The following MMP16 variants were observed in gnomAD, a reference collection of about 807,000 sequenced individuals.
MMP16 encodes the protein matrix metalloproteinase-16.
Under a neutral mutation model 67.8 loss-of-function variants are expected in MMP16, and 12 were observed. The ratio of observed to expected loss-of-function variants is 0.18; its 90% CI spans 0.11 to 0.29. The LOEUF is 0.29. MMP16 is among the 10% of genes least tolerant of loss of function. MMP16 has a pLI of 1.00. For missense variants in MMP16, 475 were observed against 765.7 expected, an observed-to-expected ratio of 0.62 and a Z score of 4.48; for synonymous variants, 249 against 255.9, an observed-to-expected ratio of 0.97 and a Z score of 0.26.
chr8:88,293,226 GT>G (rs1234431595), intron 1 of MMP16, among the ~76,000 whole-genome samples: 1 of 152,102 alleles, frequency 6.6e-6, no homozygotes, highest in African/African-American at 2.4e-5. Context: ...ATAGAAACTA[GT>G]TTTTATGTCT....
At chr8:88,155,685 C>T (rs1408643942) in intron 4 of MMP16, among the ~76,000 whole-genome samples, 1 of 151,996 alleles carries the variant, frequency 6.6e-6, no homozygotes, top group African/African-American at 2.4e-5. Flanking sequence ...TCATACTTTC[C>T]TAGAAATGGC....
intron 8 of MMP16, 93 bp from the exon 9 acceptor site, chr8:88,046,877 C>T: frequency 1.3e-6 from 1 of 751,880 alleles, no homozygotes; most frequent in Non-Finnish European, 2.1e-6. Flanking sequence ...ATTTATTAGA[C>T]CTTTGCTGTG....
chr8:88,311,715 T>C (rs1244094268), intron 1 of MMP16, among the ~76,000 whole-genome samples: 1 of 152,012 alleles, frequency 6.6e-6, no homozygotes, highest in Non-Finnish European at 1.5e-5. Context: ...TTCATTAATG[T>C]TTAGGAGTGG....
Position 88,233,743 on chromosome 8 carries a change from T to A in MMP16, c.133-36437A>T, listed in dbSNP as rs372204647. On this transcript the variant is annotated intron_variant, in intron 1 of 9. Coordinates refer to ENST00000286614, the MANE Select transcript of MMP16 (RefSeq NM_005941.5). Reference sequence around the variant, plus strand: ...CAAGACTGAAACCAATGCTAAACAGTGAGGAATGAAACAGACAAAAGAAAT... The same window carrying A: ...CAAGACTGAAACCAATGCTAAACAGAGAGGAATGAAACAGACAAAAGAAAT... Among the ~76,000 whole-genome samples the A allele has an allele frequency of 1.6e-4, 25 of 152,262 alleles. No individual in the cohort carries two copies. In the South Asian group the frequency reaches 5.2e-3, roughly 32 times the overall value.
chr8:88,166,610 A>G (rs1319334301), intron 4 of MMP16, among the ~76,000 whole-genome samples: 1 of 148,920 alleles, frequency 6.7e-6, no homozygotes, highest in Non-Finnish European at 1.5e-5. Context: ...TAATGAAAAT[A>G]TAATAAATTA....
chr8:88,059,148 G>T (rs1262623410), intron 7 of MMP16, among the ~76,000 whole-genome samples: 1 of 152,008 alleles, frequency 6.6e-6, no homozygotes, highest in African/African-American at 2.4e-5. Flanking sequence ...AAATAAGTTT[G>T]TAAGACACAA....
chr8:88,083,018 T>C (rs1470859895), intron 6 of MMP16, among the ~76,000 whole-genome samples: 4 of 151,996 alleles, frequency 2.6e-5, no homozygotes, highest in Non-Finnish European at 4.4e-5. Context: ...TTAATCTTCA[T>C]TCAATAATTT....
intron 1 of MMP16, among the ~76,000 whole-genome samples, chr8:88,254,014 T>A (rs1810265329): frequency 6.6e-6 from 1 of 152,128 alleles, no homozygotes; most frequent in Non-Finnish European, 1.5e-5. Flanking sequence ...CGTATATGTA[T>A]GTTCATTGTA....
chr8:88,269,870 A>C (rs545401392), intron 1 of MMP16, among the ~76,000 whole-genome samples: 1 of 152,368 alleles, frequency 6.6e-6, no homozygotes, highest in African/African-American at 2.4e-5. Flanking sequence ...CAAAGAGTTT[A>C]CTTCATAAGC....
intron 8 of MMP16, among the ~76,000 whole-genome samples, chr8:88,048,420 T>C (rs995111259): frequency 4.3e-5 from 6 of 140,308 alleles, no homozygotes; most frequent in African/African-American, 1.7e-4. Flanking sequence ...GTAAAATAAG[T>C]TTATATTTTG....
chr8:88,150,700 C>G (rs1204229839), intron 4 of MMP16, among the ~76,000 whole-genome samples: 1 of 134,494 alleles, frequency 7.4e-6, no homozygotes, highest in Non-Finnish European at 1.6e-5. Context: ...CCTAAAAGAG[C>G]TCCTGAAGGA....
intron 4 of MMP16, among the ~76,000 whole-genome samples, chr8:88,154,152 C>G (rs1808463351): frequency 8.5e-6 from 1 of 118,324 alleles, no homozygotes; most frequent in Admixed American, 9.2e-5. Flanking sequence ...AAATGCAAAT[C>G]AAAACCACTA....
At chr8:88,238,648 T>G (rs1006294769) in intron 1 of MMP16, among the ~76,000 whole-genome samples, 1 of 132,140 alleles carries the variant, frequency 7.6e-6, no homozygotes, top group African/African-American at 2.9e-5. Flanking sequence ...CCTGGGCAAC[T>G]GTGCAAGACT....
At chr8:88,280,279 C>T (rs1810712089) in intron 1 of MMP16, among the ~76,000 whole-genome samples, 1 of 152,058 alleles carries the variant, frequency 6.6e-6, no homozygotes, top group Non-Finnish European at 1.5e-5. Context: ...GCTTTTTGTC[C>T]ACATAGGGAA....
chr8:88,287,778 G>A (rs1001883745), intron 1 of MMP16, among the ~76,000 whole-genome samples: 4 of 152,168 alleles, frequency 2.6e-5, no homozygotes, highest in African/African-American at 9.7e-5. Context: ...GTCAGACATG[G>A]TGCCCAGAGC....
intron 3 of MMP16, 197 bp downstream of exon 3, chr8:88,186,279 A>G: frequency 2.1e-6 from 1 of 469,012 alleles, no homozygotes. Context: ...AAAGAGCCCA[A>G]GTGTCTCAGA....
intron 1 of MMP16, among the ~76,000 whole-genome samples, chr8:88,250,133 A>G (rs572950492): frequency 4.6e-5 from 7 of 152,162 alleles, no homozygotes; most frequent in South Asian, 2.1e-4. Context: ...AAATTATACT[A>G]TCTTAATATC....
At chr8:88,110,119 A>G (rs1809308969) in intron 6 of MMP16, among the ~76,000 whole-genome samples, 1 of 151,336 alleles carries the variant, frequency 6.6e-6, no homozygotes. Context: ...ACCACTGAAA[A>G]TAATTTTATT....
chr8:88,210,403 A>C (rs896167265), intron 1 of MMP16, among the ~76,000 whole-genome samples: 40 of 152,216 alleles, frequency 2.6e-4, no homozygotes, highest in African/African-American at 9.4e-4. Context: ...AGCCTGAGTG[A>C]TAGAATTACA....
Sources: gnomAD v4.1 joint callset for allele counts (sites outside exome capture counted in the v4.1 genomes callset) on GRCh38, gnomAD v4.1.1 for gene constraint, MANE v1.5 for transcripts, NCBI Gene and HGNC (gene_info 2026-07-23, HGNC 2026-07-21) for gene names.